RBM18: variants seen among roughly 807,000 people sequenced by gnomAD.
RBM18 encodes the protein RNA binding motif protein 18.
In RBM18, 18 loss-of-function variants were observed where a neutral mutation model predicts 26.4. The observed-to-expected ratio is 0.68, with a 90% CI of 0.47 to 1.01. The LOEUF (loss-of-function observed/expected upper bound fraction) is 1.01, where lower values mean the gene tolerates loss of function less well. Among genes scored for constraint, RBM18 ranks in the 50% least tolerant of loss-of-function variants. The pLI, the probability that RBM18 is intolerant of heterozygous loss-of-function variation, is 0.00. For missense variants in RBM18, 180 were observed against 219.2 expected, an observed-to-expected ratio of 0.82 and a Z score of 1.13; for synonymous variants, 74 against 81.1, an observed-to-expected ratio of 0.91 and a Z score of 0.47.
intron 5 of RBM18, among the ~76,000 whole-genome samples, chr9:122,244,534 C>A (rs948545791): frequency 3.9e-5 from 6 of 152,164 alleles, no homozygotes; most frequent in African/African-American, 1.4e-4. Flanking sequence ...TGTTATTTGC[C>A]ATCTGTGTGA....
At chr9:122,251,801 G>T in intron 3 of RBM18, 46 bp downstream of exon 3, 5 of 1,566,892 alleles carry the variant, frequency 3.2e-6, no homozygotes, top group Non-Finnish European at 4.4e-6. Flanking sequence ...AAATAATTAT[G>T]ACAGAGCTTG....
At chr9:122,242,360 A>C (rs1831435040) in intron 5 of RBM18, among the ~76,000 whole-genome samples, 1 of 152,208 alleles carries the variant, frequency 6.6e-6, no homozygotes, top group Non-Finnish European at 1.5e-5. Context: ...TACTAAAAAT[A>C]ATTCTTTTAG....
chr9:122,262,676 C>T (rs1318457838), intron 1 of RBM18, among the ~76,000 whole-genome samples: 6 of 152,190 alleles, frequency 3.9e-5, no homozygotes, highest in Middle Eastern at 3.4e-3. Context: ...TTCCACTTCC[C>T]GGGTTCAAGC....
At chr9:122,242,373 T>C (rs921746395) in intron 5 of RBM18, among the ~76,000 whole-genome samples, 1 of 152,190 alleles carries the variant, frequency 6.6e-6, no homozygotes, top group African/African-American at 2.4e-5. Context: ...TCTTTTAGAA[T>C]TGAAAACAAC....
At chr9:122,250,685 GATAAT>G (rs2118961163) in intron 3 of RBM18, among the ~76,000 whole-genome samples, 1 of 152,222 alleles carries the variant, frequency 6.6e-6, no homozygotes, top group South Asian at 2.1e-4. Flanking sequence ...TGATAAACAT[GATAAT>G]ATGATTCCAT....
In RBM18 at chr9:122,238,654, AAGGAC is replaced by A. The variant is rs1376463485; in HGVS notation, c.*3225_*3229del. ...AGGCTATAGGGTCAGACACGTAGTG[AAGGAC>A]AGGTCATTAGGGCCTTACAGATCTT... is the stretch of plus-strand genomic sequence containing the variant. On this transcript the variant is annotated 3_prime_UTR_variant, in exon 6 of 6. Transcript: ENST00000417201. 3 of 152,242 alleles carry A rather than the reference AAGGAC, an allele frequency of 2.0e-5. No homozygotes were observed. Among genetic ancestry groups the A allele is most frequent in the Non-Finnish European group, 4.4e-5 (3 of 68,050 alleles). 9.4% of individuals were successfully genotyped at this position (152,242 alleles called of 1,614,324 possible). A position where few individuals can be genotyped will look rare whatever the true frequency, so the allele number is the denominator to read the frequency against.
chr9:122,244,718 C>G (rs1436764371), intron 5 of RBM18, among the ~76,000 whole-genome samples: 2 of 152,232 alleles, frequency 1.3e-5, no homozygotes, highest in Non-Finnish European at 2.9e-5. Flanking sequence ...CCACCTTCTA[C>G]TTCTGCTCAA....
intron 2 of RBM18, 41 bp from the exon 3 acceptor site, chr9:122,252,014 C>T: frequency 1.2e-6 from 2 of 1,607,010 alleles, no homozygotes; most frequent in Non-Finnish European, 1.7e-6. Context: ...TCTGGGAATT[C>T]TGTTGGCCAC....
chr9:122,262,887 A>G (rs183774197), intron 1 of RBM18, among the ~76,000 whole-genome samples: 1 of 152,176 alleles, frequency 6.6e-6, no homozygotes, highest in Non-Finnish European at 1.5e-5. Context: ...GCCCAGCACA[A>G]ACTGTGGCAT....
chr9:122,252,918 C>T (rs1324367652), intron 2 of RBM18, among the ~76,000 whole-genome samples: 1 of 152,182 alleles, frequency 6.6e-6, no homozygotes, highest in Non-Finnish European at 1.5e-5. Context: ...CAGGTTGCTG[C>T]GGCCAATCTC....
At chr9:122,249,673 T>G (rs1019722997) in intron 3 of RBM18, among the ~76,000 whole-genome samples, 1 of 150,956 alleles carries the variant, frequency 6.6e-6, no homozygotes, top group Non-Finnish European at 1.5e-5. Flanking sequence ...CGTGCCACTA[T>G]ACTCCGGCCT....
chr9:122,258,422 C>A (rs1831732329), intron 2 of RBM18, among the ~76,000 whole-genome samples: 1 of 152,070 alleles, frequency 6.6e-6, no homozygotes, highest in African/African-American at 2.4e-5. Context: ...GCAACCGCCA[C>A]CACGCCTGGA....
intron 2 of RBM18, 34 bp from the exon 3 acceptor site, chr9:122,252,007 G>A: frequency 1.2e-6 from 2 of 1,608,892 alleles, no homozygotes; most frequent in Non-Finnish European, 1.7e-6. Context: ...AGTATGCTCT[G>A]GGAATTCTGT....
chr9:122,244,477 A>G (rs924240061), intron 5 of RBM18, among the ~76,000 whole-genome samples: 1 of 152,218 alleles, frequency 6.6e-6, no homozygotes, highest in Non-Finnish European at 1.5e-5. Context: ...AGTAGTAACT[A>G]CAAGACTGAA....
chr9:122,247,624 A>C lies in RBM18; in HGVS notation c.241-20T>G, dbSNP rs775685725. On this transcript the variant is annotated intron_variant, in intron 3 of 5. Transcript: ENST00000417201. ...TGCTTCCTGTCCAGGAAAGGGACAA[A>C]TGTTAGTTAAAAACTGAAATGCTTA... 7 of 1,602,950 alleles carry C rather than the reference A, an allele frequency of 4.4e-6. No homozygotes were observed. The highest frequency in any genetic ancestry group is 6.0e-6 in the Non-Finnish European group (7 of 1,170,554).
rs1438351784 is a variant in RBM18, at chr9:122,238,021, T to C, written c.*3863A>G. The C allele has an allele frequency of 1.3e-5, 2 of 152,230 alleles. No individual in the cohort carries two copies. Among genetic ancestry groups the C allele is most frequent in the African/African-American group, 2.4e-5 (1 of 41,452 alleles). 9.4% of individuals were successfully genotyped at this position (152,230 alleles called of 1,614,324 possible). ...TACAAAATTAGGAGGCAGAGGCCAG[T>C]TTGCTGAACACTGGACTAGATGTTT... On this transcript the variant is annotated 3_prime_UTR_variant, in exon 6 of 6. Transcript: ENST00000417201.
Position 122,240,837 on chromosome 9 carries a change from T to C in RBM18, c.*1047A>G, listed in dbSNP as rs1363329844. On this transcript the variant is annotated 3_prime_UTR_variant, in exon 6 of 6. Transcript: ENST00000417201. ...CTACCACACAGAGTCATTACAGTCT[T>C]GGTGCCACAGTGGCATCTGTTCCAT... 2 of 152,206 alleles carry C rather than the reference T, an allele frequency of 1.3e-5. No individual in the cohort carries two copies. The highest frequency in any genetic ancestry group is 2.9e-5 in the Non-Finnish European group (2 of 68,032). 9.4% of individuals were successfully genotyped at this position (152,206 alleles called of 1,614,324 possible).
At position 122,251,919 on chromosome 9, in the gene RBM18, G is replaced by A. The variant is rs761617507; in HGVS notation, c.168C>T (p.Phe56=). The change falls in exon 3 of 6, where the codon TTC becomes TTT. Residue 56 remains phenylalanine, a synonymous_variant. Coordinates refer to ENST00000417201, the MANE Select transcript of RBM18 (RefSeq NM_033117.4). ...QKFGKVKQFD[F]LFHKSGALEG... ...CCAAAGCACCTGACTTGTGGAAGAGGAAGTCAAACTGCTTTACCTTGCCAA... is the reference window on the plus strand; with the variant it reads ...CCAAAGCACCTGACTTGTGGAAGAGAAAGTCAAACTGCTTTACCTTGCCAA... 10 of 1,614,012 alleles carry A rather than the reference G, an allele frequency of 6.2e-6. No homozygotes were observed. The highest frequency in any genetic ancestry group is 4.5e-5 in the East Asian group (2 of 44,892).
intron 4 of RBM18, among the ~76,000 whole-genome samples, chr9:122,246,510 T>C (rs949331251): frequency 6.6e-6 from 1 of 152,232 alleles, no homozygotes; most frequent in Non-Finnish European, 1.5e-5. Context: ...TGAGACTTGA[T>C]TTTCCCTTGA....
Sources: allele counts gnomAD v4.1 joint callset (sites outside exome capture counted in the v4.1 genomes callset), GRCh38; gene constraint gnomAD v4.1.1; transcripts MANE v1.5; gene names NCBI Gene and HGNC (gene_info 2026-07-23, HGNC 2026-07-21).